Variants in ZCCHC2 observed in about 807,000 individuals in gnomAD.
The protein encoded by ZCCHC2 is zinc finger CCHC domain-containing protein 2.
A neutral mutation model predicts 103.6 loss-of-function variants in ZCCHC2; 39 were observed. The observed-to-expected ratio is 0.38, with a 90% CI of 0.29 to 0.49. The LOEUF (loss-of-function observed/expected upper bound fraction) is 0.49, where lower values mean the gene tolerates loss of function less well. Among genes scored for constraint, ZCCHC2 ranks in the 20% least tolerant of loss-of-function variants. ZCCHC2 has a pLI of 0.96. For missense variants in ZCCHC2, 1,483 were observed against 1,491.0 expected, an observed-to-expected ratio of 0.99 and a Z score of 0.09; for synonymous variants, 687 against 608.9, an observed-to-expected ratio of 1.13 and a Z score of -1.89.
intron 4 of ZCCHC2, among the ~76,000 whole-genome samples, chr18:62,548,401 C>T (rs1915512009): frequency 6.6e-6 from 1 of 152,192 alleles, no homozygotes; most frequent in Non-Finnish European, 1.5e-5. Flanking sequence ...TGAACAGTGT[C>T]ACTGAACTGT....
At position 62,523,448 on chromosome 18, in the gene ZCCHC2, G is replaced by C. The variant is rs777410142; in HGVS notation, c.24G>C (p.Leu8=). 5.5e-6 allele frequency: 6 copies of C among 1,100,732 alleles called. No homozygotes were observed. In the South Asian group the frequency reaches 8.2e-5, roughly 15 times the overall value. The allele number at this position is 1,100,732 out of a possible 1,614,324, so 68.2% of individuals were successfully genotyped here. A position where few individuals can be genotyped will look rare whatever the true frequency, so the allele number is the denominator to read the frequency against. The change falls in exon 1 of 14, where the codon CTG becomes CTC. Residue 8 remains leucine, a synonymous_variant. Coordinates refer to ENST00000269499, the MANE Select transcript of ZCCHC2 (RefSeq NM_017742.6). MLRMKLP[L]KPTHPAEPPP... ...GGATGCTGAGGATGAAGCTGCCGCT[G>C]AAGCCAACGCACCCCGCGGAGCCGC...
At chr18:62,567,626 T>C (rs2145527458) in intron 11 of ZCCHC2, among the ~76,000 whole-genome samples, 1 of 152,214 alleles carries the variant, frequency 6.6e-6, no homozygotes, top group Admixed American at 6.5e-5. Context: ...AAGAGGTGCA[T>C]ATTACCTCAT....
chr18:62,560,528 C>G (rs1382765047), intron 7 of ZCCHC2, 59 bp from the exon 8 acceptor site: 1 of 1,386,710 alleles, frequency 7.2e-7, no homozygotes, highest in East Asian at 2.3e-5. Context: ...TAGTAGCATC[C>G]TACTGTTGGT....
intron 1 of ZCCHC2, among the ~76,000 whole-genome samples, chr18:62,537,166 A>G (rs749736296): frequency 6.6e-6 from 1 of 152,098 alleles, no homozygotes; most frequent in Non-Finnish European, 1.5e-5. Context: ...AGTACCTGGT[A>G]ACTACTATTC....
intron 3 of ZCCHC2, 128 bp downstream of exon 3, chr18:62,542,702 G>A: frequency 1.3e-6 from 1 of 785,840 alleles, no homozygotes; most frequent in Non-Finnish European, 2.0e-6. Flanking sequence ...AGAATGTACT[G>A]TTTTTTATCA....
intron 7 of ZCCHC2, among the ~76,000 whole-genome samples, chr18:62,559,258 A>G (rs538049999): frequency 1.3e-5 from 2 of 152,358 alleles, no homozygotes; most frequent in African/African-American, 4.8e-5. Flanking sequence ...TTTGCAAGAT[A>G]TTTACAGATA....
rs1328434571 is a variant in ZCCHC2 at position 62,542,527 on chromosome 18, G to A, written c.1081G>A (p.Gly361Arg). 1.3e-6 allele frequency: 2 copies of A among 1,564,674 alleles called. No individual in the cohort carries two copies. Among genetic ancestry groups the A allele is most frequent in the South Asian group, 2.4e-5 (2 of 84,878 alleles). The part of the protein sequence containing the change: ...AVHIEKIMLK[G>R]VQRKRADKYW... ...ACACATTGAGAAGATAATGTTGAAA[G>A]GAGTCCAGAGAAAAAGAGCTGACAA... The change falls in exon 3 of 14, where the codon GGA (glycine) becomes AGA (arginine). Residue 361 changes from glycine (G) to arginine (R), a missense_variant. Gly to Arg is a moderately radical substitution (Grantham distance 125). Transcript: ENST00000269499.
At chr18:62,586,217 A>G (rs186274485) in exon 15 of ZCCHC2, 21 of 151,698 alleles carry the variant, frequency 1.4e-4, no homozygotes, top group Admixed American at 1.1e-3. Context: ...ATTGAAGCCT[A>G]CTTTTTCACT....
chr18:62,533,507 A>G (rs938825551), intron 1 of ZCCHC2, among the ~76,000 whole-genome samples: 5 of 152,140 alleles, frequency 3.3e-5, no homozygotes, highest in African/African-American at 1.2e-4. Context: ...CCAGGGTGAC[A>G]GAGTCAGACT....
At chr18:62,569,227 A>G (rs755854893) in intron 11 of ZCCHC2, among the ~76,000 whole-genome samples, 3 of 152,186 alleles carry the variant, frequency 2.0e-5, no homozygotes, top group Non-Finnish European at 4.4e-5. Context: ...AGCCAAAACC[A>G]CAAGTCAGTT....
intron 4 of ZCCHC2, among the ~76,000 whole-genome samples, chr18:62,548,609 G>T (rs1168442938): frequency 1.3e-5 from 2 of 152,168 alleles, no homozygotes. Flanking sequence ...TATAAATATT[G>T]AAATGAGGGA....
intron 2 of ZCCHC2, among the ~76,000 whole-genome samples, chr18:62,542,274 G>A (rs927877908): frequency 5.9e-5 from 9 of 152,148 alleles, no homozygotes; most frequent in Non-Finnish European, 1.2e-4. Context: ...TCAGCATGTC[G>A]TATGGGTATA....
Position 62,578,014 on chromosome 18 carries a change from G to A in ZCCHC2, c.*1435G>A, listed in dbSNP as rs3744927. ...TAACGTTGGTATGCAGCAGAGGAACGTAAACATTTGGTCTTGGTTCAGAAG... is the reference window on the plus strand; with the variant it reads ...TAACGTTGGTATGCAGCAGAGGAACATAAACATTTGGTCTTGGTTCAGAAG... On this transcript the variant is annotated 3_prime_UTR_variant, in exon 14 of 14. Coordinates refer to ENST00000269499, the MANE Select transcript of ZCCHC2 (RefSeq NM_017742.6). 0.22 allele frequency: 33,926 copies of A among 152,420 alleles called. 4,030 individuals carry two copies. Among genetic ancestry groups the A allele is most frequent in the South Asian group, 0.31 (1,498 of 4,818 alleles). 9.4% of individuals were successfully genotyped at this position (152,420 alleles called of 1,614,324 possible).
intron 3 of ZCCHC2, 102 bp from the exon 4 acceptor site, chr18:62,544,700 A>G (rs1031687173): frequency 1.1e-6 from 1 of 875,756 alleles, no homozygotes; most frequent in South Asian, 1.7e-5. Context: ...TGTTAATCTT[A>G]GTAAAATTTA....
Position 62,576,813 on chromosome 18 carries a change from A to C in ZCCHC2, c.*234A>C. 2.6e-6 allele frequency: 1 copy of C among 391,652 alleles called. No individual in the cohort carries two copies. The allele number at this position is 391,652 out of a possible 1,614,324, so 24.3% of individuals were successfully genotyped here. The stretch of plus-strand genomic sequence containing the variant: ...TATATGTATGATACATGTAATTTAA[A>C]CCTTCAGACAAACTTAAATGTTGGT... On this transcript the variant is annotated 3_prime_UTR_variant, in exon 14 of 14. Coordinates refer to ENST00000269499, the MANE Select transcript of ZCCHC2 (RefSeq NM_017742.6).
At chr18:62,543,104 C>T (rs1324253696) in intron 3 of ZCCHC2, among the ~76,000 whole-genome samples, 1 of 152,098 alleles carries the variant, frequency 6.6e-6, no homozygotes, top group African/African-American at 2.4e-5. Context: ...ATTCCTTGTC[C>T]ACATCTTCCT....
At chr18:62,566,397 G>A (rs1054467779) in intron 11 of ZCCHC2, among the ~76,000 whole-genome samples, 2 of 152,198 alleles carry the variant, frequency 1.3e-5, no homozygotes, top group African/African-American at 4.8e-5. Context: ...CCCTCTGGTG[G>A]CGATGGCAGC....
intron 1 of ZCCHC2, among the ~76,000 whole-genome samples, chr18:62,528,441 C>CA (rs542244567): frequency 1.1e-3 from 162 of 152,030 alleles, no homozygotes; most frequent in African/African-American, 3.8e-3. Context: ...AAGAAAAATA[C>CA]AAAAAAAGTT....
intron 4 of ZCCHC2, among the ~76,000 whole-genome samples, chr18:62,546,171 A>G (rs1915397685): frequency 6.6e-6 from 1 of 152,154 alleles, no homozygotes; most frequent in Admixed American, 6.5e-5. Context: ...TCAGCTCTGG[A>G]CACCTTGGGG....
Sources: allele counts gnomAD v4.1 joint callset (sites outside exome capture counted in the v4.1 genomes callset), GRCh38; gene constraint gnomAD v4.1.1; transcripts MANE v1.5; gene names NCBI Gene and HGNC (gene_info 2026-07-23, HGNC 2026-07-21).